The following GDPD4 variants were observed in gnomAD, a reference collection of about 807,000 sequenced individuals.
The protein encoded by GDPD4 is glycerophosphodiester phosphodiesterase domain containing 4, also known as glycerophosphodiester phosphodiesterase 6.
In GDPD4, 60 loss-of-function variants were observed where a neutral mutation model predicts 67.8. That is an observed-to-expected ratio of 0.88 (90% confidence interval 0.72 to 1.10). The LOEUF (loss-of-function observed/expected upper bound fraction) is 1.10. Ranked by LOEUF, GDPD4 falls within the 50% of genes least tolerant of loss-of-function variation. GDPD4 has a pLI of 0.00. For synonymous variants in GDPD4, 212 were observed against 210.9 expected (o/e 1.00, Z -0.04); for missense variants, 623 against 613.9 (o/e 1.01, Z -0.16).
rs560324131 is a variant in GDPD4 at position 77,301,211 on chromosome 11, A to G, written c.-254+394T>C. Among the ~76,000 whole-genome samples, 3 of 152,272 alleles carry G rather than the reference A, an allele frequency of 2.0e-5. No individual in the cohort carries two copies. In the South Asian group the frequency reaches 6.2e-4, roughly 32 times the overall value. ...TTGGATTTCTCACAGGCACCTCAAAAGTAATATGTCCAAAACTGAACCCCT... is the reference window on the plus strand; with the variant it reads ...TTGGATTTCTCACAGGCACCTCAAAGGTAATATGTCCAAAACTGAACCCCT... On this transcript the variant is annotated intron_variant, in intron 1 of 16. Transcript: ENST00000315938.
At position 77,237,082 on chromosome 11, in the gene GDPD4, A is replaced by C. The variant is rs553894725; in HGVS notation, c.1242-3910T>G. 3.3e-5 allele frequency among the ~76,000 whole-genome samples: 5 copies of C among 152,358 alleles called. No homozygotes were observed. The South Asian group carries it at 1.0e-3, about 32-fold the overall frequency. On this transcript the variant is annotated intron_variant, in intron 13 of 16. Transcript: ENST00000315938. ...TTTATGAGGCATGGGTCCCTGGAGC[A>C]TGACACATAAACTAGATAACTCTCT...
At chr11:77,219,002 T>C (rs370761767) in intron 16 of GDPD4, among the ~76,000 whole-genome samples, 6 of 152,290 alleles carry the variant, frequency 3.9e-5, no homozygotes, top group South Asian at 2.1e-4. Flanking sequence ...TTTACACTCC[T>C]ACCAACAGTG....
In GDPD4 at chr11:77,233,151, G is replaced by A; in HGVS notation, c.1263C>T (p.Ile421=). ...NGLRDYKAAN[I]HINVYTVNEP... is the part of the protein sequence containing the mutation. ...CATTGACGGTGTATACGTTGATATG[G>A]ATGTTAGCTGCTTTATAATCTCTGG... is the stretch of plus-strand genomic sequence containing the variant. The change falls in exon 14 of 17, where the codon ATC becomes ATT. Residue 421 remains isoleucine, a synonymous_variant. Coordinates refer to ENST00000315938, the MANE Select transcript of GDPD4 (RefSeq NM_182833.3). 1.2e-6 allele frequency: 2 copies of A among 1,613,846 alleles called. No homozygotes were observed. The highest frequency in any genetic ancestry group is 1.7e-6 in the Non-Finnish European group (2 of 1,179,762).
chr11:77,258,575 A>C, intron 10 of GDPD4, 33 bp from the exon 11 acceptor site: 1 of 1,609,184 alleles, frequency 6.2e-7, no homozygotes, highest in Non-Finnish European at 8.5e-7. Flanking sequence ...GGGCAGGGGT[A>C]GATAGGCTGA....
chr11:77,270,714 C>CACAA lies in GDPD4; in HGVS notation c.400+412_400+415dup, dbSNP rs540685783. On this transcript the variant is annotated intron_variant, in intron 7 of 16. Transcript: ENST00000315938. Reference sequence around the variant, plus strand: ...TGGAGCAAGACTCTGTCTCAAAAAACACAAACAAACAAACAAACAAAAAAA... The same window carrying CACAA: ...TGGAGCAAGACTCTGTCTCAAAAAACACAAACAAACAAACAAACAAACAAAAAAA... Among the ~76,000 whole-genome samples, 228 of 152,218 alleles carry CACAA rather than the reference C, an allele frequency of 1.5e-3. 5 individuals carry two copies. The East Asian group carries it at 0.04, about 26-fold the overall frequency.
Position 77,217,133 on chromosome 11 carries a change from A to C in GDPD4, c.*144T>G, listed in dbSNP as rs763248696. On this transcript the variant is annotated 3_prime_UTR_variant, in exon 17 of 17. Coordinates refer to ENST00000315938, the MANE Select transcript of GDPD4 (RefSeq NM_182833.3). Reference sequence around the variant, plus strand: ...TGTGACAGCATTCTTGATAGGTAGTAGTTTCTTGGATGGTGCTGCAAAATT... The same window carrying C: ...TGTGACAGCATTCTTGATAGGTAGTCGTTTCTTGGATGGTGCTGCAAAATT... The C allele has an allele frequency of 6.8e-6, 5 of 735,148 alleles. No individual in the cohort carries two copies. The highest frequency in any genetic ancestry group is 1.3e-5 in the Non-Finnish European group (5 of 397,092). 45.5% of individuals were successfully genotyped at this position (735,148 alleles called of 1,614,324 possible).
At chr11:77,274,261 T>C (rs1959348533) in intron 5 of GDPD4, among the ~76,000 whole-genome samples, 1 of 152,240 alleles carries the variant, frequency 6.6e-6, no homozygotes, top group South Asian at 2.1e-4. Flanking sequence ...TAAATTTATA[T>C]TTCCAGTTCA....
intron 3 of GDPD4, among the ~76,000 whole-genome samples, chr11:77,282,256 A>G (rs1959788409): frequency 6.6e-6 from 1 of 152,200 alleles, no homozygotes; most frequent in Non-Finnish European, 1.5e-5. Context: ...AAAAGACAGC[A>G]AGAGTGAGTA....
At chr11:77,218,096 A>ATTT (rs35719470) in intron 16 of GDPD4, among the ~76,000 whole-genome samples, 7 of 147,522 alleles carry the variant, frequency 4.7e-5, no homozygotes, top group Non-Finnish European at 7.5e-5. Flanking sequence ...ATGAGCTTCC[A>ATTT]TTTTTTTTTT....
intron 11 of GDPD4, among the ~76,000 whole-genome samples, chr11:77,257,460 T>C (rs1157396320): frequency 6.6e-6 from 1 of 151,898 alleles, no homozygotes; most frequent in Non-Finnish European, 1.5e-5. Context: ...CCGATCAACA[T>C]GTTTTCCAGA....
At chr11:77,217,427 G>T in intron 16 of GDPD4, 113 bp from the exon 17 acceptor site, 1 of 890,568 alleles carries the variant, frequency 1.1e-6, no homozygotes, top group Non-Finnish European at 1.9e-6. Flanking sequence ...ACCCTTTCAG[G>T]TTCTTTCCTC....
At chr11:77,279,238 A>T in intron 4 of GDPD4, 68 bp downstream of exon 4, 2 of 975,046 alleles carry the variant, frequency 2.1e-6, no homozygotes, top group Non-Finnish European at 3.3e-6. Flanking sequence ...TGGATACTAT[A>T]CCACAGGCAG....
chr11:77,272,631 C>T (rs1959267019), intron 5 of GDPD4, among the ~76,000 whole-genome samples: 1 of 152,030 alleles, frequency 6.6e-6, no homozygotes, highest in Admixed American at 6.6e-5. Context: ...CAAAAATTAG[C>T]CAGGTGTGGT....
At chr11:77,221,940 G>A (rs1248530977) in intron 16 of GDPD4, among the ~76,000 whole-genome samples, 3 of 152,102 alleles carry the variant, frequency 2.0e-5, no homozygotes, top group Non-Finnish European at 4.4e-5. Flanking sequence ...TATATATTTA[G>A]GATAGTTAGC....
At chr11:77,218,107 T>G (rs1448666281) in intron 16 of GDPD4, among the ~76,000 whole-genome samples, 1 of 151,796 alleles carries the variant, frequency 6.6e-6, no homozygotes, top group Non-Finnish European at 1.5e-5. Flanking sequence ...TTTTTTTTTT[T>G]GTCAGCTTTA....
intron 1 of GDPD4, among the ~76,000 whole-genome samples, chr11:77,299,734 C>T (rs1251574644): frequency 6.6e-6 from 1 of 152,154 alleles, no homozygotes; most frequent in African/African-American, 2.4e-5. Flanking sequence ...TCTGCCTCAC[C>T]GGATGTCTGT....
chr11:77,250,793 C>T (rs558550194), intron 11 of GDPD4, among the ~76,000 whole-genome samples: 2 of 152,270 alleles, frequency 1.3e-5, no homozygotes, highest in Admixed American at 1.3e-4. Flanking sequence ...CTTTCTCCCC[C>T]TTTAAATCTA....
At chr11:77,261,193 T>C (rs956695035) in intron 10 of GDPD4, among the ~76,000 whole-genome samples, 5 of 152,110 alleles carry the variant, frequency 3.3e-5, no homozygotes, top group African/African-American at 9.7e-5. Flanking sequence ...TATGTCAGAT[T>C]GCCACTGCCT....
intron 13 of GDPD4, among the ~76,000 whole-genome samples, chr11:77,235,009 G>GTTTTTTGTTTT (rs1958524952): frequency 3.8e-5 from 2 of 52,254 alleles, no homozygotes; most frequent in African/African-American, 6.3e-5. Flanking sequence ...GTCAATATCT[G>GTTTTTTGTTTT]TTTTTTTTTT....
Sources: gnomAD v4.1 joint callset for allele counts (sites outside exome capture counted in the v4.1 genomes callset) on GRCh38, gnomAD v4.1.1 for gene constraint, MANE v1.5 for transcripts, NCBI Gene and HGNC (gene_info 2026-07-23, HGNC 2026-07-21) for gene names.